The following SH3KBP1 variants were observed in gnomAD, a reference collection of about 807,000 sequenced individuals.
The protein encoded by SH3KBP1 is SH3 domain containing kinase binding protein 1.
In SH3KBP1, 8 loss-of-function variants were observed where a neutral mutation model predicts 50.1. The observed-to-expected ratio is 0.16, with a 90% confidence interval of 0.09 to 0.29. SH3KBP1 has a LOEUF of 0.29. Ranked by LOEUF, SH3KBP1 falls within the 10% of genes least tolerant of loss-of-function variation. The pLI is 1.00. For synonymous variants in SH3KBP1, 227 were observed against 218.6 expected (o/e 1.04, Z -0.34); for missense variants, 377 against 535.2 (o/e 0.70, Z 2.92).
chrX:19,708,231 C>G (rs778785396), intron 3 of SH3KBP1, among the ~76,000 whole-genome samples: 2 of 112,157 alleles, frequency 1.8e-5, no homozygotes, highest in African/African-American at 6.5e-5. Flanking sequence ...AAGCCGGCAG[C>G]CTAGTTCTCT....
intron 1 of SH3KBP1, among the ~76,000 whole-genome samples, chrX:19,879,961 G>A (rs889688113): frequency 4.5e-5 from 5 of 112,188 alleles, no homozygotes; most frequent in African/African-American, 1.6e-4. Context: ...CCTGTGCATC[G>A]TAGGATGTTT....
intron 6 of SH3KBP1, among the ~76,000 whole-genome samples, chrX:19,661,030 C>A: frequency 8.9e-6 from 1 of 112,613 alleles, no homozygotes; most frequent in Non-Finnish European, 1.9e-5. Context: ...AGGCCTCCTG[C>A]CAAAGGCTTC....
chrX:19,755,907 T>C (rs1232735993), intron 2 of SH3KBP1, among the ~76,000 whole-genome samples: 1 of 111,722 alleles, frequency 9.0e-6, no homozygotes, highest in Non-Finnish European at 1.9e-5. Context: ...ACGTACCCCC[T>C]GCTTGCTCAA....
intron 2 of SH3KBP1, among the ~76,000 whole-genome samples, chrX:19,823,868 C>T (rs991841927): frequency 8.9e-6 from 1 of 111,981 alleles, no homozygotes; most frequent in African/African-American, 3.3e-5. Context: ...GTTGCCCAGG[C>T]TGGAGTGCAG....
Position 19,594,993 on chromosome X carries a change from T to C in SH3KBP1, c.1013A>G (p.Lys338Arg), listed in dbSNP as rs1213041798. The part of the protein sequence containing the change: ...PDFEKEGNRP[K>R]KPPPPSAPVI... ...AGGAGCGGATGGAGGCGGTGGCTTC[T>C]TGGGTCTCTGAAAAATTAATAAAAA... Residue 338 changes from lysine to arginine, a missense_variant, in exon 10 of 18, where the codon AAG becomes AGG. Coordinates refer to ENST00000397821, the MANE Select transcript of SH3KBP1 (RefSeq NM_031892.3). 3 of 1,196,948 alleles carry C rather than the reference T, an allele frequency of 2.5e-6. No individual in the cohort carries two copies. The Admixed American group carries it at 6.5e-5, about 26-fold the overall frequency.
rs957151221 is a variant in SH3KBP1, at chrX:19,658,836, C to A, written c.727-13361G>T. ...CCTCCTAAAGCGCTGGGATTACAGG[C>A]GTGAGCCACCACACCCGGCCAATGA... On this transcript the variant is annotated intron_variant, in intron 6 of 17. Transcript: ENST00000397821. Among the ~76,000 whole-genome samples, 5 of 111,499 alleles carry A rather than the reference C, an allele frequency of 4.5e-5. No individual in the cohort carries two copies. In the East Asian group the frequency reaches 8.4e-4, roughly 19 times the overall value.
At chrX:19,750,205 C>G (rs886189337) in intron 2 of SH3KBP1, among the ~76,000 whole-genome samples, 3 of 111,701 alleles carry the variant, frequency 2.7e-5, no homozygotes, top group African/African-American at 9.8e-5. Flanking sequence ...ATTACAGGCA[C>G]GTGCCACCTC....
intron 14 of SH3KBP1, among the ~76,000 whole-genome samples, chrX:19,548,106 C>T (rs900647321): frequency 4.5e-5 from 5 of 112,258 alleles, no homozygotes; most frequent in Non-Finnish European, 9.4e-5. Flanking sequence ...CAGTGCCGAG[C>T]CCATAGGGGA....
chrX:19,677,237 C>A (rs1160566650), intron 6 of SH3KBP1, among the ~76,000 whole-genome samples: 2 of 111,286 alleles, frequency 1.8e-5, no homozygotes, highest in Admixed American at 9.5e-5. Flanking sequence ...ACACTCCTTT[C>A]CCTAAGTGGT....
chrX:19,664,765 T>G (rs2062553746), intron 6 of SH3KBP1: 1 of 112,211 alleles, frequency 8.9e-6, no homozygotes, highest in African/African-American at 3.2e-5. Flanking sequence ...GTTACCAGCT[T>G]CATAATGTTT....
intron 8 of SH3KBP1, among the ~76,000 whole-genome samples, chrX:19,630,280 C>T (rs2061546609): frequency 8.9e-6 from 1 of 111,746 alleles, no homozygotes; most frequent in African/African-American, 3.3e-5. Flanking sequence ...GCTTTATCAT[C>T]AAGGGGGAAA....
intron 2 of SH3KBP1, among the ~76,000 whole-genome samples, chrX:19,749,483 G>A (rs956754708): frequency 3.5e-5 from 4 of 112,854 alleles, no homozygotes; most frequent in South Asian, 3.6e-4. Context: ...ATACAGCCTC[G>A]AAAAGGAATA....
chrX:19,545,910 C>T lies in SH3KBP1; in HGVS notation c.1623+12G>A. The T allele has an allele frequency of 8.3e-7, 1 of 1,210,769 alleles. No homozygotes were observed. The highest frequency in any genetic ancestry group is 1.8e-5 in the South Asian group (1 of 56,936). ...AATGACAGGGACACCCTCGCCATGGCTGGTGACTCACTTGGGATATGGTAA... is the reference window on the plus strand; with the variant it reads ...AATGACAGGGACACCCTCGCCATGGTTGGTGACTCACTTGGGATATGGTAA... On this transcript the variant is annotated intron_variant, in intron 15 of 17. Coordinates refer to ENST00000397821, the MANE Select transcript of SH3KBP1 (RefSeq NM_031892.3).
chrX:19,735,824 CG>C (rs2064553874), intron 3 of SH3KBP1, among the ~76,000 whole-genome samples: 1 of 107,266 alleles, frequency 9.3e-6, no homozygotes, highest in African/African-American at 3.4e-5. Context: ...CCCGGGTTCA[CG>C]CCATTCTCCT....
intron 6 of SH3KBP1, among the ~76,000 whole-genome samples, chrX:19,665,536 A>T (rs1414969799): frequency 1.8e-5 from 2 of 111,964 alleles, no homozygotes; most frequent in South Asian, 7.4e-4. Context: ...AAAAATATCT[A>T]TTAGAGGTGT....
At chrX:19,751,670 G>A (rs921674566) in intron 2 of SH3KBP1, among the ~76,000 whole-genome samples, 1 of 111,572 alleles carries the variant, frequency 9.0e-6, no homozygotes, top group African/African-American at 3.3e-5. Context: ...TGCAAAGGAC[G>A]CTTCAGCTGT....
At chrX:19,813,907 T>G (rs60132833) in intron 2 of SH3KBP1, among the ~76,000 whole-genome samples, 10,015 of 111,729 alleles carry the variant, frequency 0.09, 1,079 homozygotes, top group African/African-American at 0.3. Context: ...AAATTAATAT[T>G]TACCAAGTTG....
chrX:19,720,363 G>T (rs927057110), intron 3 of SH3KBP1, among the ~76,000 whole-genome samples: 10 of 110,944 alleles, frequency 9.0e-5, no homozygotes, highest in Non-Finnish European at 1.7e-4. Context: ...CTCTCCAGAG[G>T]AGAGGGAGTC....
chrX:19,621,069 C>CT (rs1569349639), intron 8 of SH3KBP1, among the ~76,000 whole-genome samples: 5 of 37,070 alleles, frequency 1.3e-4, no homozygotes, highest in Non-Finnish European at 1.5e-4. Flanking sequence ...CATTTCTTTT[C>CT]TTTCTTTTTT....
Sources: gnomAD v4.1 joint callset for allele counts (sites outside exome capture counted in the v4.1 genomes callset) on GRCh38, gnomAD v4.1.1 for gene constraint, MANE v1.5 for transcripts, NCBI Gene and HGNC (gene_info 2026-07-23, HGNC 2026-07-21) for gene names.